HDX: variants seen among roughly 807,000 people sequenced by gnomAD.
HDX encodes the protein chromosome X open reading frame 43.
HDX carries 19 observed loss-of-function variants against 45.2 expected under a neutral mutation model. The observed-to-expected ratio is 0.42, with a 90% CI of 0.29 to 0.62. The LOEUF (loss-of-function observed/expected upper bound fraction) is 0.62, where lower values mean the gene tolerates loss of function less well. Ranked by LOEUF, HDX falls within the 20% of genes least tolerant of loss-of-function variation. HDX has a pLI of 0.20. For synonymous variants in HDX, 188 were observed against 172.8 expected, an observed-to-expected ratio of 1.09 and a Z score of -0.69; for missense variants, 532 against 493.9, an observed-to-expected ratio of 1.08 and a Z score of -0.73.
chrX:84,500,229 C>A (rs1465427451), intron 1 of HDX: 1 of 110,368 alleles, frequency 9.1e-6, no homozygotes, highest in Admixed American at 9.7e-5. Context: ...TCTTGCCTGA[C>A]CAACGATGAA....
At chrX:84,377,059 G>C in intron 5 of HDX, among the ~76,000 whole-genome samples, 1 of 112,293 alleles carries the variant, frequency 8.9e-6, no homozygotes, top group Non-Finnish European at 1.9e-5. Context: ...GAGAAAGACT[G>C]ACCTCGTTTG....
At chrX:84,475,446 G>T (rs1252928579) in intron 2 of HDX, 49 bp from the exon 3 acceptor site, 19 of 833,923 alleles carry the variant, frequency 2.3e-5, no homozygotes, top group Non-Finnish European at 2.8e-5. Flanking sequence ...AATTTGGTAT[G>T]TGCAGAATTT....
intron 4 of HDX, among the ~76,000 whole-genome samples, chrX:84,459,853 GACATT>G (rs2040199014): frequency 9.0e-6 from 1 of 111,279 alleles, no homozygotes; most frequent in African/African-American, 3.3e-5. Flanking sequence ...TATAAAAGGA[GACATT>G]ATAACTGATA....
chrX:84,482,613 C>G (rs2040710889), intron 2 of HDX, among the ~76,000 whole-genome samples: 2 of 111,695 alleles, frequency 1.8e-5, no homozygotes, highest in African/African-American at 6.5e-5. Flanking sequence ...CCTCCCACAA[C>G]ATGTGGGAAT....
chrX:84,434,276 G>A (rs755874565), intron 5 of HDX, among the ~76,000 whole-genome samples: 2 of 110,020 alleles, frequency 1.8e-5, no homozygotes, highest in Admixed American at 1.9e-4. Flanking sequence ...TAGAAGAAAG[G>A]CTTTCACCCT....
chrX:84,399,101 C>G (rs2038635405), intron 5 of HDX, among the ~76,000 whole-genome samples: 1 of 111,091 alleles, frequency 9.0e-6, no homozygotes. Context: ...ACTAAATGCC[C>G]ACATCAGAAA....
At chrX:84,350,461 CTTTT>C (rs2037320260) in intron 6 of HDX, among the ~76,000 whole-genome samples, 1 of 111,288 alleles carries the variant, frequency 9.0e-6, no homozygotes, top group Non-Finnish European at 1.9e-5. Flanking sequence ...GCTTATTCTT[CTTTT>C]GAGAATTTTT....
intron 5 of HDX, among the ~76,000 whole-genome samples, chrX:84,371,934 AC>A (rs1164456408): frequency 8.9e-6 from 1 of 111,963 alleles, no homozygotes; most frequent in Non-Finnish European, 1.9e-5. Context: ...GTGATTAGGC[AC>A]CAGTTATATG....
chrX:84,444,885 T>C (rs1367697464), intron 4 of HDX, among the ~76,000 whole-genome samples: 1 of 111,711 alleles, frequency 9.0e-6, no homozygotes, highest in Non-Finnish European at 1.9e-5. Context: ...TAAGAAGGCA[T>C]GCAAATAGTT....
At chrX:84,398,340 G>A (rs1193757176) in intron 5 of HDX, among the ~76,000 whole-genome samples, 1 of 111,143 alleles carries the variant, frequency 9.0e-6, no homozygotes, top group Non-Finnish European at 1.9e-5. Flanking sequence ...CATGTCAAGT[G>A]CAAAGACAAA....
At chrX:84,460,403 A>G (rs1255954585) in intron 4 of HDX, among the ~76,000 whole-genome samples, 1 of 112,387 alleles carries the variant, frequency 8.9e-6, no homozygotes, top group Non-Finnish European at 1.9e-5. Context: ...AAATTAACCA[A>G]TGTGATACAT....
rs2040838699 is a variant in HDX, at chrX:84,488,529, A to T, written c.-109-397T>A. On this transcript the variant is annotated intron_variant, in intron 1 of 10. Transcript: ENST00000373177. ...GCATTTTAATTTTCTTGGCCACAAAAATAAATGCTTCATGTTTAATTGTAT... is the reference window on the plus strand; with the variant it reads ...GCATTTTAATTTTCTTGGCCACAAATATAAATGCTTCATGTTTAATTGTAT... Among the ~76,000 whole-genome samples the T allele has an allele frequency of 2.7e-5, 3 of 111,710 alleles. 1 individual carries two copies. The South Asian group carries it at 1.1e-3, about 41-fold the overall frequency.
intron 7 of HDX, among the ~76,000 whole-genome samples, chrX:84,342,447 T>C (rs1201084064): frequency 9.0e-6 from 1 of 111,114 alleles, no homozygotes; most frequent in Admixed American, 9.7e-5. Flanking sequence ...CAAATCAGTG[T>C]AACAATAAGC....
chrX:84,350,230 T>C (rs112219368), intron 6 of HDX, among the ~76,000 whole-genome samples: 4 of 111,407 alleles, frequency 3.6e-5, no homozygotes, highest in Admixed American at 9.6e-5. Flanking sequence ...TAAAATTTAT[T>C]GAGGTTTGTC....
At chrX:84,392,710 G>T (rs1490349213) in intron 5 of HDX, among the ~76,000 whole-genome samples, 1 of 108,057 alleles carries the variant, frequency 9.3e-6, no homozygotes, top group African/African-American at 3.4e-5. Context: ...TTTTTTCTTG[G>T]CTACTTTATT....
intron 5 of HDX, among the ~76,000 whole-genome samples, chrX:84,389,636 G>A (rs945970255): frequency 1.6e-4 from 18 of 111,569 alleles, no homozygotes; most frequent in Admixed American, 1.4e-3. Flanking sequence ...CAGAGGCTGC[G>A]CTGTGCAGAA....
rs1172497153 is a variant in HDX, at chrX:84,412,152, G to T, written c.1305+28380C>A. 2.7e-5 allele frequency among the ~76,000 whole-genome samples: 3 copies of T among 111,182 alleles called. No individual in the cohort carries two copies. In the Admixed American group the frequency reaches 2.9e-4, roughly 11 times the overall value. Reference sequence around the variant, plus strand: ...CTGTGCCTTTTAATTGGGACATTTAGCCCATTTACATTGAAGATATAGATA... The same window carrying T: ...CTGTGCCTTTTAATTGGGACATTTATCCCATTTACATTGAAGATATAGATA... On this transcript the variant is annotated intron_variant, in intron 5 of 10. Coordinates refer to ENST00000373177, the MANE Select transcript of HDX (RefSeq NM_001177479.2).
At chrX:84,443,073 CT>C (rs112249863) in intron 4 of HDX, among the ~76,000 whole-genome samples, 2 of 111,265 alleles carry the variant, frequency 1.8e-5, no homozygotes, top group Admixed American at 9.5e-5. Flanking sequence ...AGAAGTTTCA[CT>C]TTTTTGTTTT....
intron 5 of HDX, among the ~76,000 whole-genome samples, chrX:84,423,675 A>G (rs757740603): frequency 8.9e-6 from 1 of 111,858 alleles, no homozygotes; most frequent in African/African-American, 3.2e-5. Flanking sequence ...AATCAAGCAA[A>G]GTGAAATATC....
Sources: allele counts gnomAD v4.1 joint callset (sites outside exome capture counted in the v4.1 genomes callset), GRCh38; gene constraint gnomAD v4.1.1; transcripts MANE v1.5; gene names NCBI Gene and HGNC (gene_info 2026-07-23, HGNC 2026-07-21).